RBM27: variants seen among roughly 807,000 people sequenced by gnomAD.
RBM27 encodes the protein RNA-binding protein 27.
Under a neutral mutation model 135.3 loss-of-function variants are expected in RBM27, and 22 were observed. The observed-to-expected ratio is 0.16, with a 90% CI of 0.12 to 0.23. The LOEUF (loss-of-function observed/expected upper bound fraction) is 0.23, where lower values mean the gene tolerates loss of function less well. RBM27 is among the 10% of genes least tolerant of loss of function. RBM27 has a pLI of 1.00. For missense variants in RBM27, 1,009 were observed against 1,281.0 expected, an observed-to-expected ratio of 0.79 and a Z score of 3.24; for synonymous variants, 481 against 442.4, an observed-to-expected ratio of 1.09 and a Z score of -1.10.
At chr5:146,214,454 C>A (rs1756105187) in intron 1 of RBM27, among the ~76,000 whole-genome samples, 2 of 152,128 alleles carry the variant, frequency 1.3e-5, no homozygotes. Context: ...GGAAGTGATG[C>A]TGCACTTGTC....
intron 19 of RBM27, among the ~76,000 whole-genome samples, chr5:146,281,829 G>C (rs1246773561): frequency 6.6e-6 from 1 of 152,052 alleles, no homozygotes; most frequent in African/African-American, 2.4e-5. Context: ...GTAGTATTCT[G>C]CCTGTTTTTA....
chr5:146,230,595 A>C (rs1421832215), intron 5 of RBM27, 62 bp from the exon 6 acceptor site: 2 of 1,509,578 alleles, frequency 1.3e-6, no homozygotes, highest in African/African-American at 2.8e-5. Flanking sequence ...AAATAAATAT[A>C]GTTTAAGAAC....
At chr5:146,212,643 T>A (rs1248804378) in intron 1 of RBM27, among the ~76,000 whole-genome samples, 3 of 152,094 alleles carry the variant, frequency 2.0e-5, no homozygotes, top group Non-Finnish European at 4.4e-5. Context: ...CATGAGCCAC[T>A]GTGCCTGGCC....
intron 8 of RBM27, among the ~76,000 whole-genome samples, chr5:146,238,336 C>T (rs1384066120): frequency 2.0e-5 from 3 of 152,050 alleles, no homozygotes; most frequent in Non-Finnish European, 1.5e-5. Context: ...TGGAGAAAAC[C>T]CGTCTCTACT....
intron 19 of RBM27, among the ~76,000 whole-genome samples, chr5:146,282,281 C>T (rs1759395045): frequency 6.6e-6 from 1 of 152,208 alleles, no homozygotes; most frequent in African/African-American, 2.4e-5. Context: ...GTTAGGATTA[C>T]AGGCGTGAGC....
At chr5:146,261,263 AAG>A (rs1296374469) in intron 12 of RBM27, 8 of 561,524 alleles carry the variant, frequency 1.4e-5, no homozygotes, top group East Asian at 8.9e-5. Context: ...GAGAAAGAGA[AAG>A]AGGGGGTCAG....
At position 146,237,292 on chromosome 5, in the gene RBM27, A is replaced by G. The variant is rs775955557; in HGVS notation, c.1145-6A>G. On this transcript the variant is annotated splice_polypyrimidine_tract_variant and splice_region_variant and intron_variant, in intron 7 of 20. Coordinates refer to ENST00000265271, the MANE Select transcript of RBM27 (RefSeq NM_018989.2). ...GTACTTTTCACTTTTTGTTGTCTGTATGTAGGACCACCTATAACACAATCA... is the reference window on the plus strand; with the variant it reads ...GTACTTTTCACTTTTTGTTGTCTGTGTGTAGGACCACCTATAACACAATCA... 5 of 1,613,948 alleles carry G rather than the reference A, an allele frequency of 3.1e-6. No homozygotes were observed. The Middle Eastern group carries it at 4.9e-4, about 160-fold the overall frequency.
intron 8 of RBM27, among the ~76,000 whole-genome samples, chr5:146,250,498 A>G (rs1301978602): frequency 1.3e-5 from 2 of 151,868 alleles, no homozygotes; most frequent in African/African-American, 2.4e-5. Context: ...GATGTTGGAC[A>G]TATATAATAA....
At chr5:146,264,654 T>TAAAAAAAAAAAA (rs35210934) in intron 14 of RBM27, among the ~76,000 whole-genome samples, 1 of 97,896 alleles carries the variant, frequency 1.0e-5, no homozygotes, top group Non-Finnish European at 2.1e-5. Flanking sequence ...CAAAGAGAGC[T>TAAAAAAAAAAAA]AAAAAAAAAA....
intron 1 of RBM27, among the ~76,000 whole-genome samples, chr5:146,213,239 A>G (rs144117406): frequency 0.06 from 9,064 of 152,170 alleles, 299 homozygotes; most frequent in Non-Finnish European, 0.068. Context: ...AGTAGCTGGG[A>G]TAACAGGCAT....
intron 3 of RBM27, among the ~76,000 whole-genome samples, chr5:146,226,028 ATTT>A (rs11291937): frequency 5.3e-5 from 7 of 130,958 alleles, no homozygotes; most frequent in Non-Finnish European, 6.4e-5. Flanking sequence ...AGCCTGCCTA[ATTT>A]TTTTTTTTTT....
chr5:146,241,596 C>T (rs1225690965), intron 8 of RBM27, among the ~76,000 whole-genome samples: 2 of 152,212 alleles, frequency 1.3e-5, no homozygotes, highest in Non-Finnish European at 2.9e-5. Flanking sequence ...GTAGCTGGGA[C>T]TACAGTCGTG....
At position 146,237,889 on chromosome 5, in the gene RBM27, T is replaced by C. The variant is rs559205724; in HGVS notation, c.1279+457T>C. Among the ~76,000 whole-genome samples, 5 of 152,258 alleles carry C rather than the reference T, an allele frequency of 3.3e-5. No homozygotes were observed. In the East Asian group the frequency reaches 9.7e-4, roughly 29 times the overall value. On this transcript the variant is annotated intron_variant, in intron 8 of 20. Transcript: ENST00000265271. Reference sequence around the variant, plus strand: ...TTTTAGTAGAGACGGGGTTTCACCATGTTGGCCAGGCTGGTCTCGAACTCC... The same window carrying C: ...TTTTAGTAGAGACGGGGTTTCACCACGTTGGCCAGGCTGGTCTCGAACTCC...
At chr5:146,247,458 AT>A (rs1395708299) in intron 8 of RBM27, among the ~76,000 whole-genome samples, 1 of 152,202 alleles carries the variant, frequency 6.6e-6, no homozygotes, top group Non-Finnish European at 1.5e-5. Flanking sequence ...TTGACGCTAT[AT>A]CCAAACAGGG....
Position 146,284,714 on chromosome 5 carries a change from A to G in RBM27, c.3081A>G (p.Glu1027=). 1 of 1,609,758 alleles carries G rather than the reference A, an allele frequency of 6.2e-7. No individual in the cohort carries two copies. The highest frequency in any genetic ancestry group is 8.5e-7 in the Non-Finnish European group (1 of 1,176,982). Residue 1027 remains glutamate (E), a synonymous_variant, in exon 20 of 21, where the codon GAA becomes GAG. Coordinates refer to ENST00000265271, the MANE Select transcript of RBM27 (RefSeq NM_018989.2). The part of the protein sequence containing the change: ...KVPSISTETE[E]EEVKEEETET... ...CATCTATATCCACTGAGACTGAAGA[A>G]GAAGAAGTCAAGGAGGAGGTAAATT... is the stretch of plus-strand genomic sequence containing the variant.
chr5:146,248,864 A>T (rs569042693), intron 8 of RBM27, among the ~76,000 whole-genome samples: 1 of 143,170 alleles, frequency 7.0e-6, no homozygotes, highest in Non-Finnish European at 1.6e-5. Context: ...TTAATTAGAC[A>T]TACTTAATTA....
At chr5:146,272,004 T>C (rs763919346) in intron 19 of RBM27, among the ~76,000 whole-genome samples, 4 of 152,216 alleles carry the variant, frequency 2.6e-5, no homozygotes, top group African/African-American at 4.8e-5. Flanking sequence ...AATAAAGAAT[T>C]TATTAGGATA....
intron 19 of RBM27, among the ~76,000 whole-genome samples, chr5:146,282,616 A>C (rs1759411731): frequency 6.6e-6 from 1 of 152,236 alleles, no homozygotes; most frequent in African/African-American, 2.4e-5. Flanking sequence ...TAATCTAGAG[A>C]GGATTCAAAG....
At chr5:146,238,937 ATAAAT>A (rs1325710770) in intron 8 of RBM27, among the ~76,000 whole-genome samples, 1 of 152,184 alleles carries the variant, frequency 6.6e-6, no homozygotes, top group African/African-American at 2.4e-5. Context: ...GTTTTGAGTA[ATAAAT>A]TAATACATCT....
Sources: allele counts gnomAD v4.1 joint callset (sites outside exome capture counted in the v4.1 genomes callset), GRCh38; gene constraint gnomAD v4.1.1; transcripts MANE v1.5; gene names NCBI Gene and HGNC (gene_info 2026-07-23, HGNC 2026-07-21).